The following G3BP2 variants were observed in gnomAD, a reference collection of about 807,000 sequenced individuals.
G3BP2 encodes the protein G3BP stress granule assembly factor 2.
In G3BP2, 11 loss-of-function variants were observed where a neutral mutation model predicts 56.7. The ratio of observed to expected loss-of-function variants is 0.19; its 90% CI spans 0.12 to 0.32. The LOEUF (loss-of-function observed/expected upper bound fraction) is 0.32, where lower values mean the gene tolerates loss of function less well. Ranked by LOEUF, G3BP2 falls within the 10% of genes least tolerant of loss-of-function variation. The pLI is 1.00. For missense variants in G3BP2, 340 were observed against 610.9 expected, an observed-to-expected ratio of 0.56 and a Z score of 4.67; for synonymous variants, 165 against 191.6, an observed-to-expected ratio of 0.86 and a Z score of 1.15.
intron 8 of G3BP2, among the ~76,000 whole-genome samples, chr4:75,652,255 G>C (rs1430522072): frequency 6.6e-6 from 1 of 152,172 alleles, no homozygotes; most frequent in Non-Finnish European, 1.5e-5. Flanking sequence ...AATCAGGCAT[G>C]TCTTAAGAGT....
intron 3 of G3BP2, among the ~76,000 whole-genome samples, chr4:75,719,815 C>T (rs953286345): frequency 1.3e-5 from 2 of 151,858 alleles, no homozygotes; most frequent in Non-Finnish European, 2.9e-5. Context: ...TCTCAAGCTC[C>T]CGACCTCAGG....
In G3BP2 at chr4:75,662,069, A is replaced by C. The variant is rs756952619; in HGVS notation, c.-24-20T>G. 6 of 1,307,356 alleles carry C rather than the reference A, an allele frequency of 4.6e-6. No individual in the cohort carries two copies. The allele number at this position is 1,307,356 out of a possible 1,614,324, so 81.0% of individuals were successfully genotyped here. Reference sequence around the variant, plus strand: ...CAAATGCTGAGGGAGCAAACACAAGAATAACTATTAAAAAGTCATCTTTGT... The same window carrying C: ...CAAATGCTGAGGGAGCAAACACAAGCATAACTATTAAAAAGTCATCTTTGT... On this transcript the variant is annotated intron_variant, in intron 1 of 11. Coordinates refer to ENST00000359707, the MANE Select transcript of G3BP2 (RefSeq NM_203505.3).
chr4:75,705,919 T>A (rs1002132470), intron 3 of G3BP2, among the ~76,000 whole-genome samples: 3 of 152,170 alleles, frequency 2.0e-5, no homozygotes, highest in Non-Finnish European at 4.4e-5. Context: ...TAATGAATAC[T>A]TGCTATGTGT....
chr4:75,661,856 G>A lies in G3BP2; in HGVS notation c.95+75C>T, dbSNP rs1732594703. On this transcript the variant is annotated intron_variant, in intron 2 of 11. Coordinates refer to ENST00000359707, the MANE Select transcript of G3BP2 (RefSeq NM_203505.3). ...ATACTGTCAGATAATGAGGAGACAG[G>A]AAATGCAAAATATATATAGTCATAC... 1.3e-5 allele frequency: 9 copies of A among 717,262 alleles called. No homozygotes were observed. In the East Asian group the frequency reaches 1.3e-4, roughly 11 times the overall value. The allele number at this position is 717,262 out of a possible 1,614,324, so 44.4% of individuals were successfully genotyped here.
At chr4:75,666,715 A>C (rs1418498505) in intron 1 of G3BP2, among the ~76,000 whole-genome samples, 1 of 152,220 alleles carries the variant, frequency 6.6e-6, no homozygotes, top group African/African-American at 2.4e-5. Context: ...GCCAAATTAC[A>C]CTTTCAGAAT....
chr4:75,671,959 T>TG (rs1733519271), intron 1 of G3BP2, among the ~76,000 whole-genome samples: 1 of 152,196 alleles, frequency 6.6e-6, no homozygotes, highest in South Asian at 2.1e-4. Flanking sequence ...TGCCATCATC[T>TG]CCCACTCTAG....
At chr4:75,710,630 T>C (rs928596253) in intron 3 of G3BP2, among the ~76,000 whole-genome samples, 1 of 152,174 alleles carries the variant, frequency 6.6e-6, no homozygotes, top group Non-Finnish European at 1.5e-5. Flanking sequence ...AATAAATAAA[T>C]GATGAAGCCA....
chr4:75,718,946 T>C (rs956812899), intron 3 of G3BP2, among the ~76,000 whole-genome samples: 2 of 152,070 alleles, frequency 1.3e-5, no homozygotes, highest in Non-Finnish European at 2.9e-5. Flanking sequence ...AACAGGGAAA[T>C]TGGCTTGATA....
chr4:75,720,628 C>G (rs984497966), intron 3 of G3BP2, among the ~76,000 whole-genome samples: 3 of 151,580 alleles, frequency 2.0e-5, no homozygotes, highest in Non-Finnish European at 4.4e-5. Context: ...AAACCTGTCT[C>G]TACTAAAAAT....
intron 9 of G3BP2, 58 bp downstream of exon 9, chr4:75,648,581 C>A: frequency 1.1e-6 from 1 of 878,292 alleles, no homozygotes; most frequent in South Asian, 1.4e-5. Context: ...TGTTTAAGTT[C>A]AGTCTTTTAC....
At chr4:75,675,953 G>C (rs1733861513), upstream of G3BP2, among the ~76,000 whole-genome samples, 1 of 152,292 alleles carries the variant, frequency 6.6e-6, no homozygotes, top group Non-Finnish European at 1.5e-5. Context: ...AACATTTTTA[G>C]TTTAGCTCTA....
intron 1 of G3BP2, chr4:75,670,531 T>C (rs1733404471): frequency 6.6e-6 from 1 of 152,196 alleles, no homozygotes; most frequent in Non-Finnish European, 1.5e-5. Flanking sequence ...TCTCAGAAGT[T>C]GAGGGAGGCT....
At chr4:75,690,604 C>T (rs1718815579) in intron 3 of G3BP2, among the ~76,000 whole-genome samples, 1 of 152,112 alleles carries the variant, frequency 6.6e-6, no homozygotes, top group Admixed American at 6.6e-5. Context: ...TCTTTTCTCA[C>T]TCTGTCGCCC....
intron 3 of G3BP2, among the ~76,000 whole-genome samples, chr4:75,683,943 T>C (rs1718455186): frequency 6.6e-6 from 1 of 152,096 alleles, no homozygotes; most frequent in Non-Finnish European, 1.5e-5. Context: ...AAAATGTGTT[T>C]GTAAGGGCAA....
rs1203766068 is a variant in G3BP2 at position 75,644,047 on chromosome 4, G to A, written c.*1383C>T. On this transcript the variant is annotated 3_prime_UTR_variant, in exon 12 of 12. Coordinates refer to ENST00000359707, the MANE Select transcript of G3BP2 (RefSeq NM_203505.3). ...AGTTCAAGAATTGTGCAAAATGAAT[G>A]ACAGTTCCCTGCCCCCCAAATAGAA... 1 of 152,582 alleles carries A rather than the reference G, an allele frequency of 6.6e-6. No homozygotes were observed. The highest frequency in any genetic ancestry group is 2.4e-5 in the African/African-American group (1 of 41,448). 9.5% of individuals were successfully genotyped at this position (152,582 alleles called of 1,614,324 possible). A position where few individuals can be genotyped will look rare whatever the true frequency, so the allele number is the denominator to read the frequency against.
At chr4:75,717,170 T>C (rs996088226) in intron 3 of G3BP2, among the ~76,000 whole-genome samples, 15 of 152,226 alleles carry the variant, frequency 9.9e-5, no homozygotes, top group Admixed American at 7.8e-4. Flanking sequence ...TGGCCGGGCA[T>C]GGTGACTCAT....
intron 3 of G3BP2, among the ~76,000 whole-genome samples, chr4:75,691,733 G>A (rs921201922): frequency 4.6e-5 from 7 of 152,134 alleles, no homozygotes; most frequent in Non-Finnish European, 8.8e-5. Flanking sequence ...ACTGATGCCC[G>A]AGTCCTACCT....
intron 2 of G3BP2, chr4:75,661,478 G>GTTT (rs58695567): frequency 0.01 from 1,429 of 139,492 alleles, 21 homozygotes; most frequent in African/African-American, 0.034. Context: ...CCCAAAGTTT[G>GTTT]TTTTTTTTTT....
At chr4:75,692,550 T>C (rs568681737) in intron 3 of G3BP2, among the ~76,000 whole-genome samples, 2 of 152,226 alleles carry the variant, frequency 1.3e-5, no homozygotes, top group African/African-American at 4.8e-5. Flanking sequence ...GACCTTGTGA[T>C]CCACCCACCT....
Sources: allele counts gnomAD v4.1 joint callset (sites outside exome capture counted in the v4.1 genomes callset), GRCh38; gene constraint gnomAD v4.1.1; transcripts MANE v1.5; gene names NCBI Gene and HGNC (gene_info 2026-07-23, HGNC 2026-07-21).